Variants in SIX4 observed in about 807,000 individuals in gnomAD.
The protein encoded by SIX4 is homeobox protein SIX4.
A neutral mutation model predicts 51.5 loss-of-function variants in SIX4; 23 were observed. That is an observed-to-expected ratio of 0.45 (90% CI 0.32 to 0.63). The LOEUF is 0.63. Ranked by LOEUF, SIX4 falls within the 30% of genes least tolerant of loss-of-function variation. The pLI is 0.04. For missense variants in SIX4, 867 were observed against 984.0 expected, an observed-to-expected ratio of 0.88 and a Z score of 1.59; for synonymous variants, 413 against 417.3, an observed-to-expected ratio of 0.99 and a Z score of 0.13.
chr14:60,718,998 T>C (rs1895970727), intron 2 of SIX4, among the ~76,000 whole-genome samples: 1 of 152,214 alleles, frequency 6.6e-6, no homozygotes, highest in Non-Finnish European at 1.5e-5. Context: ...TCTAACCATT[T>C]CTATTTCTTT....
chr14:60,721,104 G>A (rs1896011403), intron 1 of SIX4: 1 of 985,546 alleles, frequency 1.0e-6, no homozygotes, highest in Non-Finnish European at 1.2e-6. Flanking sequence ...TGAATCCAAA[G>A]GAAGCCAAAG....
At position 60,720,367 on chromosome 14, in the gene SIX4, A is replaced by C; in HGVS notation, c.942T>G (p.Ser314Arg). The C allele has an allele frequency of 6.2e-7, 1 of 1,614,182 alleles. No homozygotes were observed. The highest frequency in any genetic ancestry group is 8.5e-7 in the Non-Finnish European group (1 of 1,180,022). ...HEDLSPHPLS[S>R]SSDGITNLSL... Reference sequence around the variant, plus strand: ...TGAGGTTGGTGATGCCATCAGATGAACTGGAGAGTGGGTGAGGAGATAAAT... The same window carrying C: ...TGAGGTTGGTGATGCCATCAGATGACCTGGAGAGTGGGTGAGGAGATAAAT... Residue 314 changes from serine to arginine, a missense_variant, in exon 2 of 3, where the codon AGT (serine) becomes AGG (arginine). Coordinates refer to ENST00000216513, the MANE Select transcript of SIX4 (RefSeq NM_017420.5). The surrounding 1 kb of genome is among the most constrained non-coding windows in gnomAD (Gnocchi z 5.5).
chr14:60,724,260 A>G lies in SIX4; in HGVS notation c.-186T>C. ...TCCCCCCGGCCACGCAGTCACCATT[A>G]AGATAGCTGTTAGAGCAAAGTAGTG... On this transcript the variant is annotated 5_prime_UTR_variant, in exon 1 of 3. Coordinates refer to ENST00000216513, the MANE Select transcript of SIX4 (RefSeq NM_017420.5). 1 of 1,534,784 alleles carries G rather than the reference A, an allele frequency of 6.5e-7. No homozygotes were observed. The highest frequency in any genetic ancestry group is 8.7e-7 in the Non-Finnish European group (1 of 1,146,434).
intron 1 of SIX4, 182 bp downstream of exon 1, chr14:60,723,030 C>G (rs2140272786): frequency 7.2e-7 from 1 of 1,382,164 alleles, no homozygotes; most frequent in South Asian, 1.6e-5. Context: ...TCCCCCGCCC[C>G]CCGCCTCCGC....
At chr14:60,715,722 A>G (rs1163628921) in intron 2 of SIX4, among the ~76,000 whole-genome samples, 2 of 151,564 alleles carry the variant, frequency 1.3e-5, no homozygotes, top group African/African-American at 4.9e-5. Flanking sequence ...ATCAAATAAC[A>G]CTCTTTTGTT....
In SIX4 at chr14:60,713,278, A is replaced by T. The variant is rs1029602585; in HGVS notation, c.*129T>A. The stretch of plus-strand genomic sequence containing the variant: ...TGTGATCTTCATGCAGATCAATCTA[A>T]AGTCTCTTGTATGCATATACTTGCA... On this transcript the variant is annotated 3_prime_UTR_variant, in exon 3 of 3. Transcript: ENST00000216513. The T allele has an allele frequency of 1.1e-6, 1 of 881,746 alleles. No homozygotes were observed. The highest frequency in any genetic ancestry group is 1.7e-5 in the African/African-American group (1 of 59,566). 54.6% of individuals were successfully genotyped at this position (881,746 alleles called of 1,614,324 possible).
In SIX4 at chr14:60,724,323, A is replaced by C; in HGVS notation, c.-249T>G. 1 of 1,484,032 alleles carries C rather than the reference A, an allele frequency of 6.7e-7. No homozygotes were observed. Among genetic ancestry groups the C allele is most frequent in the Non-Finnish European group, 9.0e-7 (1 of 1,114,258 alleles). The allele number at this position is 1,484,032 out of a possible 1,614,324, so 91.9% of individuals were successfully genotyped here. A position where few individuals can be genotyped will look rare whatever the true frequency, so the allele number is the denominator to read the frequency against. ...TGCTTTCTGCCGTTCCCCCAACGTG[A>C]CTCCTCCGGTTGCTGCATACTATAT... On this transcript the variant is annotated 5_prime_UTR_variant, in exon 1 of 3. Transcript: ENST00000216513.
chr14:60,720,525 G>C lies in SIX4; in HGVS notation c.864-80C>G. ...ACAGTGCCACTTGTTTGGAAAACCAGCTTCTAAATCCATTAAAGGCAGTAT... is the reference window on the plus strand; with the variant it reads ...ACAGTGCCACTTGTTTGGAAAACCACCTTCTAAATCCATTAAAGGCAGTAT... On this transcript the variant is annotated intron_variant, in intron 1 of 2. Transcript: ENST00000216513. The surrounding 1 kb of genome is among the most constrained non-coding windows in gnomAD (Gnocchi z 5.5). The C allele has an allele frequency of 7.3e-7, 1 of 1,365,102 alleles. No individual in the cohort carries two copies. The highest frequency in any genetic ancestry group is 1.4e-5 in the South Asian group (1 of 72,024). 84.6% of individuals were successfully genotyped at this position (1,365,102 alleles called of 1,614,324 possible).
chr14:60,709,960 A>C lies in SIX4; in HGVS notation c.*3447T>G, dbSNP rs532603422. ...TGGTAAATTAACATAAAATGTATCAATTAGATACAAAGTAACTGCTAGGCT... is the reference window on the plus strand; with the variant it reads ...TGGTAAATTAACATAAAATGTATCACTTAGATACAAAGTAACTGCTAGGCT... On this transcript the variant is annotated 3_prime_UTR_variant, in exon 3 of 3. Coordinates refer to ENST00000216513, the MANE Select transcript of SIX4 (RefSeq NM_017420.5). The surrounding 1 kb of genome is among the most constrained non-coding windows in gnomAD (Gnocchi z 4.1). The C allele has an allele frequency of 9.2e-5, 14 of 152,810 alleles. No individual in the cohort carries two copies. Among genetic ancestry groups the C allele is most frequent in the Admixed American group, 8.5e-4 (13 of 15,310 alleles). 9.5% of individuals were successfully genotyped at this position (152,810 alleles called of 1,614,324 possible).
rs1895863132 is a variant in SIX4 at position 60,713,640 on chromosome 14, G to C, written c.2113C>G (p.Gln705Glu). ...QVGHPSPAVH[Q>E]DFVQEHRLVL... ...AAACGATGTTCTTGGACAAAATCCTGATGTACTGCTGGGGAGGGGTGACCT... is the reference window on the plus strand; with the variant it reads ...AAACGATGTTCTTGGACAAAATCCTCATGTACTGCTGGGGAGGGGTGACCT... The change falls in exon 3 of 3, where the codon CAG becomes GAG. Residue 705 changes from glutamine (Q) to glutamate (E), a missense_variant. Transcript: ENST00000216513. The C allele has an allele frequency of 1.2e-6, 2 of 1,614,228 alleles. No individual in the cohort carries two copies. The highest frequency in any genetic ancestry group is 1.7e-5 in the Admixed American group (1 of 60,028).
intron 2 of SIX4, among the ~76,000 whole-genome samples, chr14:60,714,945 T>G (rs905951152): frequency 2.2e-4 from 31 of 143,968 alleles, no homozygotes; most frequent in Non-Finnish European, 3.6e-4. Context: ...ATTACAGGCG[T>G]GAGCCACAGC....
At chr14:60,721,880 GGC>G (rs917673316) in intron 1 of SIX4, among the ~76,000 whole-genome samples, 1 of 152,262 alleles carries the variant, frequency 6.6e-6, no homozygotes, top group African/African-American at 2.4e-5. Flanking sequence ...ATCTGCGGAA[GGC>G]GCACGCACAT....
At position 60,723,778 on chromosome 14, in the gene SIX4, G is replaced by T. The variant is rs915222497; in HGVS notation, c.297C>A (p.Ala99=). The T allele has an allele frequency of 5.9e-6, 9 of 1,537,350 alleles. No homozygotes were observed. The highest frequency in any genetic ancestry group is 1.8e-4 in the Middle Eastern group (1 of 5,512). The stretch of plus-strand genomic sequence containing the variant: ...AGGCCAGCGGGGTCTGCGCGGCGGC[G>T]GCGGCGGCGTGGTGGTGCCTGCCCA... ...ELLGRHHHAA[A]AAAQTPLAFS... is the part of the protein sequence containing the mutation. The change falls in exon 1 of 3, where the codon GCC becomes GCA. Residue 99 remains alanine (A), a synonymous_variant. Transcript: ENST00000216513.
chr14:60,716,118 G>T (rs1566738032), intron 2 of SIX4, among the ~76,000 whole-genome samples: 1 of 151,636 alleles, frequency 6.6e-6, no homozygotes, highest in African/African-American at 2.4e-5. Flanking sequence ...TGCCAGCCTC[G>T]GTCTCCCAAA....
intron 2 of SIX4, among the ~76,000 whole-genome samples, chr14:60,715,669 C>T (rs189055779): frequency 3.9e-5 from 6 of 152,278 alleles, no homozygotes; most frequent in African/African-American, 1.4e-4. Flanking sequence ...ATGTTCAAAT[C>T]AGATCACTTA....
chr14:60,716,542 C>G (rs1046561363), intron 2 of SIX4, among the ~76,000 whole-genome samples: 8 of 151,984 alleles, frequency 5.3e-5, no homozygotes, highest in Admixed American at 5.2e-4. Flanking sequence ...TGAGCCACCG[C>G]GCCTGGCCAA....
Position 60,713,616 on chromosome 14 carries a change from A to G in SIX4, c.2137T>C (p.Leu713=). 6.2e-7 allele frequency: 1 copy of G among 1,614,216 alleles called. No homozygotes were observed. Among genetic ancestry groups the G allele is most frequent in the Non-Finnish European group, 8.5e-7 (1 of 1,180,042 alleles). ...VHQDFVQEHR[L]VLQSVANMKE... is the part of the protein sequence containing the mutation. ...ATGTTAGCTACCGATTGCAGAACCA[A>G]ACGATGTTCTTGGACAAAATCCTGA... is the stretch of plus-strand genomic sequence containing the variant. Residue 713 remains leucine, a synonymous_variant, in exon 3 of 3, where the codon TTG becomes CTG. Coordinates refer to ENST00000216513, the MANE Select transcript of SIX4 (RefSeq NM_017420.5).
Position 60,719,646 on chromosome 14 carries a change from G to A in SIX4, c.1549+114C>T. On this transcript the variant is annotated intron_variant, in intron 2 of 2. Transcript: ENST00000216513. This position sits in a 1 kb window ranked among gnomAD's most constrained non-coding sequence, Gnocchi z 4.9. ...TCAAGGCTACTCTACAGCTTCGGCA[G>A]CTAATAAGGTACCTGAACAGAAACA... 9.5e-7 allele frequency: 1 copy of A among 1,051,660 alleles called. No individual in the cohort carries two copies. Among genetic ancestry groups the A allele is most frequent in the South Asian group, 1.6e-5 (1 of 62,298 alleles). The allele number at this position is 1,051,660 out of a possible 1,614,324, so 65.1% of individuals were successfully genotyped here.
chr14:60,721,650 C>G (rs1044710099), intron 1 of SIX4, among the ~76,000 whole-genome samples: 7 of 150,166 alleles, frequency 4.7e-5, no homozygotes, highest in African/African-American at 1.7e-4. Flanking sequence ...GCGGGGGGGA[C>G]GAAGAAGCCA....
Sources: allele counts gnomAD v4.1 joint callset (sites outside exome capture counted in the v4.1 genomes callset), GRCh38; gene constraint gnomAD v4.1.1; non-coding constraint Gnocchi (gnomAD v3.1); transcripts MANE v1.5; gene names NCBI Gene and HGNC (gene_info 2026-07-23, HGNC 2026-07-21).